Variants in BNIP5 observed in about 807,000 individuals in gnomAD.
The protein encoded by BNIP5 is BCL2 interacting protein 5.
BNIP5 carries 61 observed loss-of-function variants against 67.3 expected under a neutral mutation model. That is an observed-to-expected ratio of 0.91 (90% confidence interval 0.74 to 1.12). The LOEUF (loss-of-function observed/expected upper bound fraction) is 1.12, where lower values mean the gene tolerates loss of function less well. Ranked by LOEUF, BNIP5 falls within the 50% of genes most tolerant of loss-of-function variation. The pLI, the probability that BNIP5 is intolerant of heterozygous loss-of-function variation, is 0.00. For synonymous variants in BNIP5, 317 were observed against 319.0 expected, an observed-to-expected ratio of 0.99 and a Z score of 0.07; for missense variants, 826 against 816.3, an observed-to-expected ratio of 1.01 and a Z score of -0.14.
In BNIP5 at chr6:36,336,862, T is replaced by G. The variant is rs1346361315; in HGVS notation, c.-155A>C. On this transcript the variant is annotated 5_prime_UTR_variant, in exon 1 of 12. Transcript: ENST00000437635. ...TCTCCCAGGGAGAAGATGCCACTAC[T>G]TTGGTGCTGGCAATTTTCTGAGTGT... is the stretch of plus-strand genomic sequence containing the variant. 2 of 152,198 alleles carry G rather than the reference T, an allele frequency of 1.3e-5. No homozygotes were observed. The highest frequency in any genetic ancestry group is 2.9e-5 in the Non-Finnish European group (2 of 68,066). 9.4% of individuals were successfully genotyped at this position (152,198 alleles called of 1,614,324 possible).
intron 11 of BNIP5, among the ~76,000 whole-genome samples, chr6:36,318,242 G>A (rs1771560632): frequency 6.6e-6 from 1 of 152,214 alleles, no homozygotes; most frequent in Non-Finnish European, 1.5e-5. Context: ...GGTCCTGTTT[G>A]TCCAACACCA....
At chr6:36,336,553 C>T (rs12530018) in intron 1 of BNIP5, among the ~76,000 whole-genome samples, 159 bp downstream of exon 1, 28,289 of 152,018 alleles carry the variant, frequency 0.19, 2,968 homozygotes, top group East Asian at 0.29. Context: ...ACTGATCCCC[C>T]ACCTCCACCC....
rs371334909 is a variant in BNIP5 at position 36,328,728 on chromosome 6, G to A, written c.611-14C>T. ...AATCTTCCCCACCTGGAATAGAGAC[G>A]AAAGCAAACGGGTATGTAGGTGTGT... On this transcript the variant is annotated splice_polypyrimidine_tract_variant and intron_variant, in intron 2 of 11. Coordinates refer to ENST00000437635, the MANE Select transcript of BNIP5 (RefSeq NM_001010903.5). The A allele has an allele frequency of 5.7e-5, 87 of 1,520,576 alleles. No individual in the cohort carries two copies. Among genetic ancestry groups the A allele is most frequent in the Non-Finnish European group, 6.7e-5 (73 of 1,094,650 alleles). The allele number at this position is 1,520,576 out of a possible 1,614,324, so 94.2% of individuals were successfully genotyped here.
At chr6:36,323,271 T>C (rs199746390) in intron 8 of BNIP5, 22 bp downstream of exon 8, 39 of 1,613,658 alleles carry the variant, frequency 2.4e-5, no homozygotes, top group Middle Eastern at 3.4e-4. Context: ...TCTGTTACCA[T>C]GGCAACACCA....
chr6:36,328,560 A>T, intron 3 of BNIP5, 38 bp downstream of exon 3: 1 of 1,280,652 alleles, frequency 7.8e-7, no homozygotes, highest in Non-Finnish European at 1.1e-6. Flanking sequence ...CAGCCACCTC[A>T]GCCACAGGCA....
At chr6:36,333,772 T>C (rs771578324) in intron 1 of BNIP5, among the ~76,000 whole-genome samples, 3 of 152,234 alleles carry the variant, frequency 2.0e-5, no homozygotes, top group Non-Finnish European at 2.9e-5. Context: ...CTATGTGATT[T>C]AAGCTCACAT....
At chr6:36,333,291 C>G (rs145281719) in intron 1 of BNIP5, among the ~76,000 whole-genome samples, 1 of 152,114 alleles carries the variant, frequency 6.6e-6, no homozygotes, top group African/African-American at 2.4e-5. Context: ...GAAATCAGGT[C>G]GGGGAGGAGG....
At chr6:36,319,121 TA>T (rs1771577833) in intron 11 of BNIP5, among the ~76,000 whole-genome samples, 1 of 152,128 alleles carries the variant, frequency 6.6e-6, no homozygotes, top group African/African-American at 2.4e-5. Flanking sequence ...TAGAGCCAAA[TA>T]AACAAGATGT....
chr6:36,323,140 C>A (rs965624985), intron 8 of BNIP5, among the ~76,000 whole-genome samples, 153 bp downstream of exon 8: 1 of 152,230 alleles, frequency 6.6e-6, no homozygotes, highest in Non-Finnish European at 1.5e-5. Flanking sequence ...ACTTCCACAC[C>A]CCCCACTCTA....
chr6:36,334,959 C>T (rs1771981257), intron 1 of BNIP5, among the ~76,000 whole-genome samples: 1 of 152,222 alleles, frequency 6.6e-6, no homozygotes, highest in Non-Finnish European at 1.5e-5. Context: ...ATCTTGTAAA[C>T]TTGTTATTGC....
intron 11 of BNIP5, among the ~76,000 whole-genome samples, chr6:36,318,232 G>A (rs370207463): frequency 8.9e-4 from 135 of 152,296 alleles, no homozygotes; most frequent in South Asian, 6.4e-3. Flanking sequence ...TAGAAGTTCC[G>A]GTCCTGTTTG....
chr6:36,320,509 A>C (rs1251856524), intron 10 of BNIP5, among the ~76,000 whole-genome samples: 2 of 152,212 alleles, frequency 1.3e-5, no homozygotes, highest in Non-Finnish European at 2.9e-5. Context: ...AGGCACAAGG[A>C]GGCAGGTGCT....
chr6:36,319,727 C>T, intron 10 of BNIP5, 117 bp from the exon 11 acceptor site: 1 of 1,160,438 alleles, frequency 8.6e-7, no homozygotes, highest in Non-Finnish European at 1.2e-6. Flanking sequence ...GGGATGAGCT[C>T]CCCTTGTTAC....
In BNIP5 at chr6:36,330,112, G is replaced by T. The variant is rs140762727; in HGVS notation, c.579C>A (p.Ser193=). The T allele has an allele frequency of 1.6e-5, 26 of 1,609,964 alleles. No homozygotes were observed. The highest frequency in any genetic ancestry group is 1.7e-6 in the Non-Finnish European group (2 of 1,179,752). ...GAGCTGGGCCCAGGTCAGCCTCCCC[G>T]GAGCGCAAGGCAGCAGCTGCCTTGG... The part of the protein sequence containing the change: ...GLSKAAAALR[S]GEADLGPARR... Residue 193 remains serine, a synonymous_variant, in exon 2 of 12, where the codon TCC becomes TCA. Coordinates refer to ENST00000437635, the MANE Select transcript of BNIP5 (RefSeq NM_001010903.5).
chr6:36,327,083 T>C lies in BNIP5; in HGVS notation c.739A>G (p.Ile247Val). Residue 247 changes from isoleucine to valine, a missense_variant, in exon 4 of 12, where the codon ATT (isoleucine) becomes GTT (valine). Ile to Val is a conservative substitution (Grantham distance 29). Coordinates refer to ENST00000437635, the MANE Select transcript of BNIP5 (RefSeq NM_001010903.5). ...TTGAGCAATTCCACTATCATCTGAA[T>C]GATAGCATCCTCTGGAAGAAAGCAA... is the stretch of plus-strand genomic sequence containing the variant. Reference protein sequence around the residue: ...ELKKPDQDAIIQMIVELLKRV... With the variant: ...ELKKPDQDAIVQMIVELLKRV... The C allele has an allele frequency of 6.2e-7, 1 of 1,614,050 alleles. No homozygotes were observed. The highest frequency in any genetic ancestry group is 1.1e-5 in the South Asian group (1 of 91,074).
chr6:36,324,244 G>C, intron 6 of BNIP5, 54 bp from the exon 7 acceptor site: 7 of 1,505,904 alleles, frequency 4.6e-6, no homozygotes, highest in Non-Finnish European at 5.5e-6. Flanking sequence ...TCTCTTCTGC[G>C]GTCAGTCTTC....
chr6:36,336,243 CATA>C (rs1397714085), intron 1 of BNIP5, among the ~76,000 whole-genome samples: 1 of 152,186 alleles, frequency 6.6e-6, no homozygotes, highest in Non-Finnish European at 1.5e-5. Flanking sequence ...AACCATAGGT[CATA>C]ATAACACCTC....
chr6:36,328,942 G>T (rs1043132841), intron 2 of BNIP5, among the ~76,000 whole-genome samples: 1 of 149,926 alleles, frequency 6.7e-6, no homozygotes, highest in African/African-American at 2.5e-5. Context: ...CCCCCTCCCC[G>T]CAAATCCTCA....
chr6:36,319,448 A>G lies in BNIP5; in HGVS notation c.1831T>C (p.Phe611Leu). ...YQFDVSLANKFAGSNSHAMCI... is the reference protein window; with the variant it reads ...YQFDVSLANKLAGSNSHAMCI... ...ATGGCATGGCTGTTGCTGCCAGCAA[A>G]TTTGTTAGCTAAGCTAACGTCAAAC... The change falls in exon 11 of 12, where the codon TTT (phenylalanine) becomes CTT (leucine). Residue 611 changes from phenylalanine to leucine, a missense_variant. Transcript: ENST00000437635. 6.2e-7 allele frequency: 1 copy of G among 1,614,142 alleles called. No homozygotes were observed. Among genetic ancestry groups the G allele is most frequent in the Non-Finnish European group, 8.5e-7 (1 of 1,180,024 alleles).
Sources: allele counts gnomAD v4.1 joint callset (sites outside exome capture counted in the v4.1 genomes callset), GRCh38; gene constraint gnomAD v4.1.1; transcripts MANE v1.5; gene names NCBI Gene and HGNC (gene_info 2026-07-23, HGNC 2026-07-21).